Variants in LRRC37A observed in about 807,000 individuals in gnomAD.
The protein encoded by LRRC37A is leucine rich repeat containing 37A, also known as leucine-rich repeat-containing protein 37A.
In LRRC37A, 3 loss-of-function variants were observed where a neutral mutation model predicts 35.4. The observed-to-expected ratio is 0.08, with a 90% CI of 0.04 to 0.22. LRRC37A has a LOEUF of 0.22. LRRC37A is among the 10% of genes least tolerant of loss of function. LRRC37A has a pLI of 1.00. For missense variants in LRRC37A, 67 were observed against 565.3 expected, an observed-to-expected ratio of 0.12 and a Z score of 8.94; for synonymous variants, 23 against 215.0, an observed-to-expected ratio of 0.11 and a Z score of 7.81.
upstream of LRRC37A, among the ~76,000 whole-genome samples, chr17:46,288,463 C>A (rs144505040): frequency 9.5e-3 from 1,437 of 152,026 alleles, 30 homozygotes; most frequent in African/African-American, 0.03. Flanking sequence ...TGTGTGCCAC[C>A]ACATCTGGCT....
chr17:46,279,541 G>A, the LRRC37A span, among the ~76,000 whole-genome samples: 6 of 133,332 alleles, frequency 4.5e-5, no homozygotes, highest in Non-Finnish European at 6.1e-5. Context: ...TTGTTGTGTC[G>A]TCCAGGCTGG....
chr17:46,265,041 A>G, the LRRC37A span, among the ~76,000 whole-genome samples: 2 of 152,208 alleles, frequency 1.3e-5, no homozygotes, highest in African/African-American at 4.8e-5. Flanking sequence ...TGTTTATATG[A>G]CTAGTGTTTA....
intron 7 of LRRC37A, among the ~76,000 whole-genome samples, chr17:46,326,051 CAGG>C (rs1390688160): frequency 3.6e-5 from 2 of 55,466 alleles, no homozygotes; most frequent in Non-Finnish European, 1.4e-4. Context: ...TGCTTGTGCC[CAGG>C]AGTTCGAGAC....
chr17:46,281,043 T>C, the LRRC37A span, among the ~76,000 whole-genome samples: 1 of 152,240 alleles, frequency 6.6e-6, no homozygotes, highest in African/African-American at 2.4e-5. Context: ...CATAATCTTC[T>C]AGCACTAAAT....
the LRRC37A span, among the ~76,000 whole-genome samples, chr17:46,282,203 T>C: frequency 5.0e-4 from 76 of 151,966 alleles, no homozygotes; most frequent in African/African-American, 1.6e-3. Context: ...CCCGGGTTCA[T>C]GCCATTCTCC....
At chr17:46,254,834 G>GT in the LRRC37A span, among the ~76,000 whole-genome samples, 84 of 147,234 alleles carry the variant, frequency 5.7e-4, no homozygotes, top group South Asian at 1.9e-3. Flanking sequence ...CACCGCGCCT[G>GT]TTTTTTTTGT....
intron 3 of LRRC37A, among the ~76,000 whole-genome samples, chr17:46,304,931 C>CAT (rs2050471295): frequency 1.5e-5 from 1 of 67,622 alleles, no homozygotes; most frequent in Non-Finnish European, 4.6e-5. Context: ...TGCAGTGGTG[C>CAT]GATCTCGGCT....
chr17:46,262,270 G>C, the LRRC37A span, among the ~76,000 whole-genome samples: 16,735 of 151,460 alleles, frequency 0.11, 929 homozygotes, highest in East Asian at 0.31. Flanking sequence ...CTGACCTCAG[G>C]TGATCCACCT....
At chr17:46,253,757 G>C in the LRRC37A span, among the ~76,000 whole-genome samples, 1 of 149,324 alleles carries the variant, frequency 6.7e-6, no homozygotes, top group Admixed American at 6.7e-5. Context: ...ACCGTGGGGA[G>C]AGGGAGAGGG....
intron 5 of LRRC37A, chr17:46,309,729 T>TC (rs1379303198): frequency 1.5e-4 from 1 of 6,586 alleles, no homozygotes; most frequent in Non-Finnish European, 5.1e-4. Flanking sequence ...GCCTTACTGT[T>TC]CCCCCCAGTC....
the LRRC37A span, among the ~76,000 whole-genome samples, chr17:46,285,556 A>G: frequency 6.6e-6 from 1 of 152,176 alleles, no homozygotes; most frequent in African/African-American, 2.4e-5. Flanking sequence ...TCTGTCTTTC[A>G]TAAGGAAAAT....
the LRRC37A span, among the ~76,000 whole-genome samples, chr17:46,252,459 G>C: frequency 6.8e-6 from 1 of 146,756 alleles, no homozygotes; most frequent in East Asian, 1.9e-4. Flanking sequence ...ATAGTGGAGG[G>C]AAGGTCGGCA....
the LRRC37A span, among the ~76,000 whole-genome samples, chr17:46,262,244 CG>C: frequency 6.6e-6 from 1 of 152,200 alleles, no homozygotes; most frequent in South Asian, 2.1e-4. Context: ...GCCACTGCAC[CG>C]GGCCTCTCAA....
the LRRC37A span, among the ~76,000 whole-genome samples, chr17:46,280,137 C>G: frequency 6.6e-6 from 1 of 152,226 alleles, no homozygotes; most frequent in Non-Finnish European, 1.5e-5. Context: ...CTTTGGGAGG[C>G]CAGGGCAGGT....
chr17:46,259,598 T>C, the LRRC37A span: 1 of 1,612,338 alleles, frequency 6.2e-7, no homozygotes, highest in Admixed American at 1.7e-5. Flanking sequence ...CACAGGAGGT[T>C]GGCCCCAGAC....
chr17:46,289,758 G>C (rs1253409806), upstream of LRRC37A, among the ~76,000 whole-genome samples: 10 of 152,162 alleles, frequency 6.6e-5, no homozygotes. Context: ...AAATAACTTA[G>C]CCCACGTTTC....
the LRRC37A span, among the ~76,000 whole-genome samples, chr17:46,262,877 T>C: frequency 6.6e-6 from 1 of 151,392 alleles, no homozygotes; most frequent in Non-Finnish European, 1.5e-5. Flanking sequence ...GCACTGAAAA[T>C]GAAATCAGCA....
chr17:46,267,893 C>CTTTTTTTTTTTTTTTTTTTTTTTTTTT, the LRRC37A span, among the ~76,000 whole-genome samples: 2 of 89,246 alleles, frequency 2.2e-5, no homozygotes, highest in African/African-American at 6.0e-5. Context: ...ACTCCCACAT[C>CTTTTTTTTTTTTTTTTTTTTTTTTTTT]TTTTTTTTTT....
the LRRC37A span, among the ~76,000 whole-genome samples, chr17:46,267,893 C>CTTTTTTTTTTT: frequency 9.0e-5 from 8 of 89,242 alleles, 1 homozygote; most frequent in African/African-American, 3.0e-4. Context: ...ACTCCCACAT[C>CTTTTTTTTTTT]TTTTTTTTTT....
Sources: allele counts gnomAD v4.1 joint callset (sites outside exome capture counted in the v4.1 genomes callset), GRCh38; gene constraint gnomAD v4.1.1; transcripts MANE v1.5; gene names NCBI Gene and HGNC (gene_info 2026-07-23, HGNC 2026-07-21).